Variants in NCAPG2 observed in about 807,000 individuals in gnomAD.
NCAPG2 encodes condensin-2 complex subunit G2.
A neutral mutation model predicts 141.1 loss-of-function variants in NCAPG2; 53 were observed. That is an observed-to-expected ratio of 0.38 (90% CI 0.30 to 0.47). NCAPG2 has a LOEUF of 0.47. Ranked by LOEUF, NCAPG2 falls within the 20% of genes least tolerant of loss-of-function variation. The pLI, the probability that NCAPG2 is intolerant of heterozygous loss-of-function variation, is 0.99. For missense variants in NCAPG2, 1,087 were observed against 1,389.0 expected, an observed-to-expected ratio of 0.78 and a Z score of 3.46; for synonymous variants, 499 against 490.7, an observed-to-expected ratio of 1.02 and a Z score of -0.22.
intron 8 of NCAPG2, among the ~76,000 whole-genome samples, chr7:158,685,205 G>T (rs1834683512): frequency 6.6e-6 from 1 of 152,110 alleles, no homozygotes; most frequent in African/African-American, 2.4e-5. Context: ...GGATTACATA[G>T]CCCTATCTTC....
In NCAPG2 at chr7:158,662,176, G is replaced by A. The variant is rs202221238; in HGVS notation, c.1989+18C>T. The A allele has an allele frequency of 1.3e-5, 21 of 1,578,846 alleles. No homozygotes were observed. Among genetic ancestry groups the A allele is most frequent in the South Asian group, 1.2e-4 (10 of 81,540 alleles). Reference sequence around the variant, plus strand: ...TAACCTTAATATACCTTGCTTACAAGTATAGTTCAAGACTTACCTTAAATA... The same window carrying A: ...TAACCTTAATATACCTTGCTTACAAATATAGTTCAAGACTTACCTTAAATA... On this transcript the variant is annotated intron_variant, in intron 16 of 27. Coordinates refer to ENST00000356309, the MANE Select transcript of NCAPG2 (RefSeq NM_017760.7).
intron 27 of NCAPG2, among the ~76,000 whole-genome samples, chr7:158,637,040 C>T (rs537363508): frequency 6.8e-4 from 103 of 151,978 alleles, no homozygotes; most frequent in Middle Eastern, 3.4e-3. Flanking sequence ...TTCCGCCTCC[C>T]GGGTTCATGC....
chr7:158,650,181 G>C (rs949304980), intron 24 of NCAPG2, among the ~76,000 whole-genome samples: 2 of 152,182 alleles, frequency 1.3e-5, no homozygotes, highest in African/African-American at 4.8e-5. Flanking sequence ...GAGCAGCTGG[G>C]ATTACAGGTG....
At chr7:158,696,683 A>G (rs370363495) in intron 2 of NCAPG2, 6 of 152,346 alleles carry the variant, frequency 3.9e-5, no homozygotes, top group African/African-American at 1.4e-4. Flanking sequence ...CTTAGCAGTT[A>G]TTTCAACAGG....
intron 22 of NCAPG2, among the ~76,000 whole-genome samples, chr7:158,653,393 T>TAAC (rs1831646255): frequency 6.7e-6 from 1 of 149,544 alleles, no homozygotes; most frequent in Non-Finnish European, 1.5e-5. Context: ...AAAAAAATAA[T>TAAC]AATAATAATT....
At chr7:158,639,154 C>G (rs1587054823) in intron 27 of NCAPG2, among the ~76,000 whole-genome samples, 1 of 151,946 alleles carries the variant, frequency 6.6e-6, no homozygotes, top group South Asian at 2.1e-4. Flanking sequence ...GTCACCCAGG[C>G]TGGAATGCAG....
intron 17 of NCAPG2, among the ~76,000 whole-genome samples, chr7:158,657,559 C>A (rs1452756242): frequency 6.6e-6 from 1 of 152,226 alleles, no homozygotes; most frequent in East Asian, 1.9e-4. Context: ...CGGCCAGCCG[C>A]CCCGTCCGGG....
rs1279208081 is a variant in NCAPG2 at position 158,656,194 on chromosome 7, T to C, written c.2388+66A>G. ...TGTATAGCACTGTAAATATGAAAGC[T>C]TCACACTTTGATTTGTCACCCCCAC... On this transcript the variant is annotated intron_variant, in intron 19 of 27. Coordinates refer to ENST00000356309, the MANE Select transcript of NCAPG2 (RefSeq NM_017760.7). The C allele has an allele frequency of 3.2e-6, 5 of 1,540,490 alleles. No homozygotes were observed. In the South Asian group the frequency reaches 4.8e-5, roughly 15 times the overall value.
chr7:158,657,522 G>A (rs1436887673), intron 17 of NCAPG2, among the ~76,000 whole-genome samples: 1 of 152,062 alleles, frequency 6.6e-6, no homozygotes, highest in Non-Finnish European at 1.5e-5. Context: ...ACATCCTTGA[G>A]GGAGGTGGGG....
chr7:158,683,439 G>T, intron 8 of NCAPG2, 53 bp from the exon 9 acceptor site: 2 of 1,356,476 alleles, frequency 1.5e-6, no homozygotes, highest in South Asian at 2.7e-5. Flanking sequence ...TCCTACTGAC[G>T]ACCTGACAAG....
Position 158,662,252 on chromosome 7 carries a change from T to C in NCAPG2, c.1931A>G (p.Lys644Arg). ...DRSMENNKEA[K>R]LYTINKFASV... Reference sequence around the variant, plus strand: ...GGCAAACTTGTTAATCGTGTAAAGTTTGGCCTCTTTATTATTTTCCATACT... The same window carrying C: ...GGCAAACTTGTTAATCGTGTAAAGTCTGGCCTCTTTATTATTTTCCATACT... The change falls in exon 16 of 28, where the codon AAA (lysine) becomes AGA (arginine). Residue 644 changes from lysine (K) to arginine (R), a missense_variant. Transcript: ENST00000356309. 6.2e-7 allele frequency: 1 copy of C among 1,610,106 alleles called. No individual in the cohort carries two copies. The highest frequency in any genetic ancestry group is 8.5e-7 in the Non-Finnish European group (1 of 1,178,710).
chr7:158,655,254 C>A lies in NCAPG2; in HGVS notation c.2510G>T (p.Cys837Phe), dbSNP rs1831820853. The change falls in exon 21 of 28, where the codon TGC (cysteine) becomes TTC (phenylalanine). Residue 837 changes from cysteine (C) to phenylalanine (F), a missense_variant. Physicochemically the swap from Cys to Phe is radical, Grantham distance 205. Coordinates refer to ENST00000356309, the MANE Select transcript of NCAPG2 (RefSeq NM_017760.7). ...RLSIHLQHKF[C>F]SEGKVYLSML... ...GGACAAATACACCTTTCCTTCTGAGCAGAACTGTCCAAAAACAAGAAGATA... is the reference window on the plus strand; with the variant it reads ...GGACAAATACACCTTTCCTTCTGAGAAGAACTGTCCAAAAACAAGAAGATA... The A allele has an allele frequency of 6.2e-7, 1 of 1,613,600 alleles. No individual in the cohort carries two copies. The highest frequency in any genetic ancestry group is 1.7e-5 in the Admixed American group (1 of 59,888).
At position 158,688,415 on chromosome 7, in the gene NCAPG2, G is replaced by A. The variant is rs117742665; in HGVS notation, c.673-973C>T. ...CACACATATATAAGTTAACAAGTACGATTCATCAACTCCTTATGTATAAGT... is the reference window on the plus strand; with the variant it reads ...CACACATATATAAGTTAACAAGTACAATTCATCAACTCCTTATGTATAAGT... On this transcript the variant is annotated intron_variant, in intron 6 of 27. Coordinates refer to ENST00000356309, the MANE Select transcript of NCAPG2 (RefSeq NM_017760.7). Among the ~76,000 whole-genome samples, 1,074 of 152,280 alleles carry A rather than the reference G, an allele frequency of 7.1e-3. 11 individuals carry two copies. Among genetic ancestry groups the A allele is most frequent in the Non-Finnish European group, 0.011 (735 of 68,034 alleles).
At chr7:158,685,986 G>A (rs1489703249) in intron 8 of NCAPG2, among the ~76,000 whole-genome samples, 186 bp downstream of exon 8, 1 of 152,172 alleles carries the variant, frequency 6.6e-6, no homozygotes, top group African/African-American at 2.4e-5. Flanking sequence ...AAAGAGCACA[G>A]TCCTACCTCC....
chr7:158,647,206 C>T (rs1005888688), intron 24 of NCAPG2, among the ~76,000 whole-genome samples: 4 of 152,110 alleles, frequency 2.6e-5, no homozygotes, highest in Non-Finnish European at 4.4e-5. Context: ...TCTAAATTGG[C>T]GTTTCTCAAT....
chr7:158,668,466 T>A, intron 13 of NCAPG2: 1 of 955,864 alleles, frequency 1.0e-6, no homozygotes, highest in Non-Finnish European at 1.2e-6. Context: ...AGAGTGGTTT[T>A]AAGTGCTTAT....
chr7:158,664,186 T>C lies in NCAPG2; in HGVS notation c.1813A>G (p.Thr605Ala), dbSNP rs1386036862. The change falls in exon 15 of 28, where the codon ACT becomes GCT. Residue 605 changes from threonine (T) to alanine (A), a missense_variant and splice_region_variant. Thr to Ala is a moderately conservative substitution (Grantham distance 58). Coordinates refer to ENST00000356309, the MANE Select transcript of NCAPG2 (RefSeq NM_017760.7). Reference sequence around the variant, plus strand: ...CGGCCTGGCCCTGTTCTACTCACAGTCACATTCTCCTTCTCCCTTCCGTCC... The same window carrying C: ...CGGCCTGGCCCTGTTCTACTCACAGCCACATTCTCCTTCTCCCTTCCGTCC... The part of the protein sequence containing the change: ...EEDGREKENV[T>A]VLDKTLSVND... 1 of 1,603,542 alleles carries C rather than the reference T, an allele frequency of 6.2e-7. No homozygotes were observed. Among genetic ancestry groups the C allele is most frequent in the Non-Finnish European group, 8.5e-7 (1 of 1,170,390 alleles).
chr7:158,691,770 G>A (rs1835131468), intron 4 of NCAPG2, among the ~76,000 whole-genome samples: 1 of 152,016 alleles, frequency 6.6e-6, no homozygotes, highest in South Asian at 2.1e-4. Context: ...ACTCCCCTAG[G>A]AGTCAATAAT....
In NCAPG2 at chr7:158,656,353, C is replaced by T. The variant is rs1399610833; in HGVS notation, c.2295G>A (p.Glu765=). 1.2e-6 allele frequency: 2 copies of T among 1,614,058 alleles called. No homozygotes were observed. The highest frequency in any genetic ancestry group is 1.7e-6 in the Non-Finnish European group (2 of 1,180,042). ...GGTTCTTTGGATGAGTCAGCAGATA[C>T]TCAATGTAGACCAATGCCAATTCAG... ...VKPELALVYI[E]YLLTHPKNRE... The change falls in exon 19 of 28, where the codon GAG becomes GAA. Residue 765 remains glutamate (E), a synonymous_variant. Transcript: ENST00000356309.
Sources: gnomAD v4.1 joint callset for allele counts (sites outside exome capture counted in the v4.1 genomes callset) on GRCh38, gnomAD v4.1.1 for gene constraint, MANE v1.5 for transcripts, NCBI Gene and HGNC (gene_info 2026-07-23, HGNC 2026-07-21) for gene names.